Variants in RRM1 observed in about 807,000 individuals in gnomAD.
The protein encoded by RRM1 is ribonucleoside-diphosphate reductase large subunit.
A neutral mutation model predicts 101.5 loss-of-function variants in RRM1; 19 were observed. That is an observed-to-expected ratio of 0.19 (90% CI 0.13 to 0.27). The LOEUF (loss-of-function observed/expected upper bound fraction) is 0.27. RRM1 is among the 10% of genes least tolerant of loss of function. RRM1 has a pLI of 1.00. For missense variants in RRM1, 500 were observed against 962.9 expected, an observed-to-expected ratio of 0.52 and a Z score of 6.36; for synonymous variants, 298 against 323.4, an observed-to-expected ratio of 0.92 and a Z score of 0.84.
At chr11:4,138,929 AAC>A (rs1466910154) in exon 19 of RRM1, 1 of 175,640 alleles carries the variant, frequency 5.7e-6, no homozygotes, top group East Asian at 9.9e-5. Flanking sequence ...AAATTTGAAA[AAC>A]ACATTTTCTG....
intron 1 of RRM1, among the ~76,000 whole-genome samples, chr11:4,096,183 G>C (rs2094543309): frequency 6.6e-6 from 1 of 152,106 alleles, no homozygotes; most frequent in African/African-American, 2.4e-5. Context: ...GCACCACCAT[G>C]AGTGGCTAAT....
At chr11:4,099,816 T>G (rs972247454) in intron 1 of RRM1, among the ~76,000 whole-genome samples, 16 of 152,114 alleles carry the variant, frequency 1.1e-4, no homozygotes, top group Admixed American at 3.3e-4. Flanking sequence ...CTTTAGATCT[T>G]TAGTCTGCCT....
intron 1 of RRM1, among the ~76,000 whole-genome samples, chr11:4,095,987 T>C (rs551128706): frequency 1.1e-4 from 16 of 152,246 alleles, no homozygotes; most frequent in Non-Finnish European, 1.8e-4. Context: ...GTTAATCGAC[T>C]GGTTGTTTCT....
chr11:4,130,086 A>ATATATATATATATATT lies in RRM1; in HGVS notation c.1769+937_1769+938insATATATATATATATTT, dbSNP rs1202870487. Among the ~76,000 whole-genome samples the ATATATATATATATATT allele has an allele frequency of 1.7e-3, 168 of 99,430 alleles. 2 individuals carry two copies. Among genetic ancestry groups the ATATATATATATATATT allele is most frequent in the African/African-American group, 8.2e-3 (153 of 18,626 alleles). The allele number at this position is 99,430 out of a possible 152,430, so 65.2% of individuals were successfully genotyped here. ...TGTATTTATATATATATATATATAT[A>ATATATATATATATATT]TTTTTTTTTTTTTTTTTTCCCCTCA... is the stretch of plus-strand genomic sequence containing the variant. On this transcript the variant is annotated intron_variant, in intron 15 of 18. Coordinates refer to ENST00000300738, the MANE Select transcript of RRM1 (RefSeq NM_001033.5).
In RRM1 at chr11:4,107,421, G is replaced by A; in HGVS notation, c.287-14G>A. ...TGGTCTTGATATATTTTCATTTTTT[G>A]TTGTATTTTTTAGATGTGATGGAAG... On this transcript the variant is annotated splice_polypyrimidine_tract_variant and intron_variant, in intron 3 of 18. Transcript: ENST00000300738. 1.3e-6 allele frequency: 2 copies of A among 1,530,640 alleles called. No homozygotes were observed. The highest frequency in any genetic ancestry group is 1.8e-6 in the Non-Finnish European group (2 of 1,106,222). The allele number at this position is 1,530,640 out of a possible 1,614,324, so 94.8% of individuals were successfully genotyped here.
Position 4,109,646 on chromosome 11 carries a change from C to T in RRM1, c.390C>T (p.Arg130=). ...GGGTTCTTTTTCACCCCTATCAGCGCCTGAATTCTGCTATTATCTATGACC... is the reference window on the plus strand; with the variant it reads ...GGGTTCTTTTTCACCCCTATCAGCGTCTGAATTCTGCTATTATCTATGACC... ...TLDIVLANKD[R]LNSAIIYDRD... Residue 130 remains arginine (R), a splice_region_variant and synonymous_variant, in exon 5 of 19, where the codon CGC becomes CGT. Coordinates refer to ENST00000300738, the MANE Select transcript of RRM1 (RefSeq NM_001033.5). The T allele has an allele frequency of 6.2e-7, 1 of 1,606,262 alleles. No individual in the cohort carries two copies. Among genetic ancestry groups the T allele is most frequent in the Non-Finnish European group, 8.5e-7 (1 of 1,176,434 alleles).
At chr11:4,116,592 A>G (rs2094573777) in intron 7 of RRM1, among the ~76,000 whole-genome samples, 1 of 152,134 alleles carries the variant, frequency 6.6e-6, no homozygotes, top group Non-Finnish European at 1.5e-5. Context: ...ACTCTGTCTC[A>G]AAAACAACAA....
chr11:4,125,489 C>T (rs1293138252), intron 12 of RRM1, among the ~76,000 whole-genome samples: 2 of 152,202 alleles, frequency 1.3e-5, no homozygotes, highest in Admixed American at 1.3e-4. Flanking sequence ...CAAGGTCCTA[C>T]ACAACTGGAT....
intron 8 of RRM1, 49 bp from the exon 9 acceptor site, chr11:4,119,796 T>C (rs936778787): frequency 5.9e-6 from 7 of 1,189,046 alleles, no homozygotes; most frequent in African/African-American, 1.5e-5. Flanking sequence ...ATTTTTTTCT[T>C]TTCTTTGCTG....
intron 14 of RRM1, 122 bp from the exon 15 acceptor site, chr11:4,128,952 T>C (rs2094594333): frequency 1.8e-6 from 1 of 547,686 alleles, no homozygotes; most frequent in Admixed American, 3.3e-5. Flanking sequence ...TCATAGAGGT[T>C]GATTAGAAGA....
chr11:4,129,723 G>C (rs2094595841), intron 15 of RRM1, among the ~76,000 whole-genome samples: 1 of 151,816 alleles, frequency 6.6e-6, no homozygotes, highest in African/African-American at 2.4e-5. Context: ...AATTGTTTTT[G>C]TTTTCTATCG....
intron 15 of RRM1, among the ~76,000 whole-genome samples, chr11:4,131,252 C>T (rs927678710): frequency 6.6e-6 from 1 of 152,176 alleles, no homozygotes; most frequent in Non-Finnish European, 1.5e-5. Flanking sequence ...AACTCACTAT[C>T]TCATGAGAAC....
At chr11:4,101,568 C>T (rs1165473565) in intron 1 of RRM1, among the ~76,000 whole-genome samples, 2 of 137,866 alleles carry the variant, frequency 1.5e-5, no homozygotes, top group African/African-American at 2.9e-5. Context: ...CACCCCCCCC[C>T]GCTCCCTTGG....
intron 2 of RRM1, among the ~76,000 whole-genome samples, chr11:4,103,320 G>T (rs2094554103): frequency 6.6e-6 from 1 of 152,112 alleles, no homozygotes; most frequent in Admixed American, 6.5e-5. Context: ...TGAGGACTTA[G>T]GCAATAATTA....
chr11:4,111,498 G>C lies in RRM1; in HGVS notation c.448-103G>C, dbSNP rs2094565475. Reference sequence around the variant, plus strand: ...TATTCTTTTCATTTGAAATTTTATAGAAACGGCGAAGATTTAAAGAGATTG... The same window carrying C: ...TATTCTTTTCATTTGAAATTTTATACAAACGGCGAAGATTTAAAGAGATTG... On this transcript the variant is annotated intron_variant, in intron 5 of 18. Transcript: ENST00000300738. The C allele has an allele frequency of 6.3e-6, 4 of 635,268 alleles. No individual in the cohort carries two copies. The East Asian group carries it at 1.2e-4, about 19-fold the overall frequency. The allele number at this position is 635,268 out of a possible 1,614,324, so 39.4% of individuals were successfully genotyped here.
chr11:4,136,227 A>G (rs2094609453), intron 18 of RRM1, among the ~76,000 whole-genome samples: 1 of 151,438 alleles, frequency 6.6e-6, no homozygotes, highest in Non-Finnish European at 1.5e-5. Flanking sequence ...TTATGTATGT[A>G]TGTATGTATT....
At position 4,129,479 on chromosome 11, in the gene RRM1, A is replaced by G. The variant is rs148946224; in HGVS notation, c.1769+329A>G. Reference sequence around the variant, plus strand: ...TTTTCCAACTATGATTTTTTTTTTTAAATGTTTTTCATTCTTATTTATTTC... The same window carrying G: ...TTTTCCAACTATGATTTTTTTTTTTGAATGTTTTTCATTCTTATTTATTTC... On this transcript the variant is annotated intron_variant, in intron 15 of 18. Coordinates refer to ENST00000300738, the MANE Select transcript of RRM1 (RefSeq NM_001033.5). Among the ~76,000 whole-genome samples the G allele has an allele frequency of 2.7e-3, 404 of 150,936 alleles. 2 individuals carry two copies. Among genetic ancestry groups the G allele is most frequent in the African/African-American group, 8.9e-3 (365 of 41,114 alleles).
At chr11:4,111,079 G>A (rs1439224224) in intron 5 of RRM1, among the ~76,000 whole-genome samples, 1 of 152,056 alleles carries the variant, frequency 6.6e-6, no homozygotes, top group African/African-American at 2.4e-5. Flanking sequence ...CGAAACAAAA[G>A]TGCCAGTGAG....
intron 5 of RRM1, among the ~76,000 whole-genome samples, chr11:4,111,299 T>A (rs928175719): frequency 3.3e-5 from 5 of 151,752 alleles, no homozygotes; most frequent in Admixed American, 6.6e-5. Flanking sequence ...TAGTCCCAGC[T>A]ACTCGGTAGC....
Sources: allele counts gnomAD v4.1 joint callset (sites outside exome capture counted in the v4.1 genomes callset), GRCh38; gene constraint gnomAD v4.1.1; transcripts MANE v1.5; gene names NCBI Gene and HGNC (gene_info 2026-07-23, HGNC 2026-07-21).